The following VASN variants were observed in gnomAD, a reference collection of about 807,000 sequenced individuals.
VASN encodes protein slit-like 2.
Under a neutral mutation model 4.8 loss-of-function variants are expected in VASN, and 5 were observed. The ratio of observed to expected loss-of-function variants is 1.03; its 90% CI spans 0.54 to 2.17. VASN has a LOEUF of 2.17. VASN is among the 30% of genes most tolerant of loss of function. The pLI is 0.01. For missense variants in VASN, 927 were observed against 948.8 expected, an observed-to-expected ratio of 0.98 and a Z score of 0.30; for synonymous variants, 499 against 460.8, an observed-to-expected ratio of 1.08 and a Z score of -1.06.
Position 4,382,773 on chromosome 16 carries a change from G to C in VASN, c.1896G>C (p.Glu632Asp). 1.3e-6 allele frequency: 2 copies of C among 1,571,070 alleles called. No individual in the cohort carries two copies. The highest frequency in any genetic ancestry group is 1.7e-6 in the Non-Finnish European group (2 of 1,158,900). Residue 632 changes from glutamate to aspartate, a missense_variant, in exon 2 of 2, where the codon GAG becomes GAC. Transcript: ENST00000304735. The part of the protein sequence containing the change: ...LELEGVKVPL[E>D]PGPKATEGGG... ...TGGAGGGAGTGAAGGTCCCCTTGGA[G>C]CCAGGCCCGAAGGCAACAGAGGGCG... is the stretch of plus-strand genomic sequence containing the variant.
chr16:4,379,764 C>T (rs1215220073), intron 1 of VASN, among the ~76,000 whole-genome samples: 2 of 151,670 alleles, frequency 1.3e-5, no homozygotes, highest in Admixed American at 6.6e-5. Flanking sequence ...TAGACGAAGC[C>T]GGGCACGGTG....
intron 1 of VASN, among the ~76,000 whole-genome samples, chr16:4,379,849 C>T (rs534503004): frequency 5.4e-5 from 8 of 148,056 alleles, no homozygotes; most frequent in East Asian, 4.0e-4. Context: ...TCCAGACCAA[C>T]CTGACCAACA....
Position 4,380,885 on chromosome 16 carries a change from C to T in VASN, c.8C>T (p.Ser3Phe). The T allele has an allele frequency of 6.5e-7, 1 of 1,532,948 alleles. No individual in the cohort carries two copies. The highest frequency in any genetic ancestry group is 8.7e-7 in the Non-Finnish European group (1 of 1,147,096). The allele number at this position is 1,532,948 out of a possible 1,614,324, so 95.0% of individuals were successfully genotyped here. A position where few individuals can be genotyped will look rare whatever the true frequency, so the allele number is the denominator to read the frequency against. ...TGCTCCCAGGGACAGAAGATGTGCT[C>T]CAGGGTCCCTCTGCTGCTGCCGCTG... MC[S>F]RVPLLLPLLL... The change falls in exon 2 of 2, where the codon TCC (serine) becomes TTC (phenylalanine). Residue 3 changes from serine (S) to phenylalanine (F), a missense_variant. Physicochemically the swap from Ser to Phe is radical, Grantham distance 155. Coordinates refer to ENST00000304735, the MANE Select transcript of VASN (RefSeq NM_138440.3).
intron 1 of VASN, 147 bp from the exon 2 acceptor site, chr16:4,380,722 C>T (rs927316911): frequency 5.5e-5 from 46 of 840,372 alleles, no homozygotes; most frequent in South Asian, 9.4e-5. Flanking sequence ...GAACCTGGGT[C>T]GGGGCACTGG....
intron 1 of VASN, among the ~76,000 whole-genome samples, chr16:4,380,648 C>G (rs1474199381): frequency 6.6e-6 from 1 of 152,142 alleles, no homozygotes; most frequent in East Asian, 1.9e-4. Flanking sequence ...GGATGTCATG[C>G]CCCATGATGA....
At chr16:4,376,894 C>T (rs1567267645) in intron 1 of VASN, among the ~76,000 whole-genome samples, 1 of 152,204 alleles carries the variant, frequency 6.6e-6, no homozygotes. Flanking sequence ...GCCTGAAACC[C>T]TCTCCCTTAG....
At chr16:4,374,455 C>T (rs2054647255) in intron 1 of VASN, among the ~76,000 whole-genome samples, 1 of 152,160 alleles carries the variant, frequency 6.6e-6, no homozygotes, top group African/African-American at 2.4e-5. Flanking sequence ...CGGCCCCCAC[C>T]AGACTCTTCG....
intron 1 of VASN, among the ~76,000 whole-genome samples, chr16:4,374,293 T>C (rs2054638768): frequency 6.6e-6 from 1 of 152,096 alleles, no homozygotes; most frequent in African/African-American, 2.4e-5. Context: ...CCGGATCGCT[T>C]TCCCTCCGCG....
At chr16:4,376,702 C>T (rs1388905398) in intron 1 of VASN, among the ~76,000 whole-genome samples, 5 of 152,106 alleles carry the variant, frequency 3.3e-5, no homozygotes, top group East Asian at 1.9e-4. Context: ...GTTGAGATGA[C>T]GAGTGCCTTG....
At chr16:4,377,435 C>G (rs2054780100) in intron 1 of VASN, among the ~76,000 whole-genome samples, 1 of 152,144 alleles carries the variant, frequency 6.6e-6, no homozygotes, top group Non-Finnish European at 1.5e-5. Context: ...CACGCCCAGA[C>G]CCCAGGCGGG....
At position 4,379,813 on chromosome 16, in the gene VASN, C is replaced by T. The variant is rs201514984; in HGVS notation, c.-9-1056C>T. On this transcript the variant is annotated intron_variant, in intron 1 of 1. Transcript: ENST00000304735. Reference sequence around the variant, plus strand: ...ATCCCAGCACTTTTGGAGGCTGAGGCGGGCAGATCACCTGAGGTCAGGAGT... The same window carrying T: ...ATCCCAGCACTTTTGGAGGCTGAGGTGGGCAGATCACCTGAGGTCAGGAGT... Among the ~76,000 whole-genome samples, 8 of 147,342 alleles carry T rather than the reference C, an allele frequency of 5.4e-5. No individual in the cohort carries two copies. In the South Asian group the frequency reaches 6.5e-4, roughly 12 times the overall value.
rs2055026834 is a variant in VASN at position 4,382,530 on chromosome 16, G to A, written c.1653G>A (p.Gly551=). The A allele has an allele frequency of 6.3e-7, 1 of 1,593,514 alleles. No homozygotes were observed. Among genetic ancestry groups the A allele is most frequent in the Non-Finnish European group, 8.5e-7 (1 of 1,170,792 alleles). Residue 551 remains glycine (G), a synonymous_variant, in exon 2 of 2, where the codon GGG becomes GGA. Coordinates refer to ENST00000304735, the MANE Select transcript of VASN (RefSeq NM_138440.3). ...TGCCGGAGGGCGAGGAGGCCTGCGG[G>A]GAGGCCCATACACCCCCAGCCGTCC... ...GRVPEGEEAC[G]EAHTPPAVHS...
At chr16:4,374,031 GC>G (rs2054626016) in intron 1 of VASN, among the ~76,000 whole-genome samples, 1 of 152,178 alleles carries the variant, frequency 6.6e-6, no homozygotes, top group Admixed American at 6.5e-5. Flanking sequence ...AAGAAAACCA[GC>G]TCCCCTCACT....
intron 1 of VASN, among the ~76,000 whole-genome samples, chr16:4,372,453 C>T (rs1401982702): frequency 6.6e-6 from 1 of 152,240 alleles, no homozygotes; most frequent in Admixed American, 6.5e-5. Context: ...CAAAGCACAG[C>T]TGGGGGCTAC....
rs1218294985 is a variant in VASN, at chr16:4,381,149, T to G, written c.272T>G (p.Leu91Arg). Residue 91 changes from leucine to arginine, a missense_variant, in exon 2 of 2, where the codon CTG becomes CGG. Leu to Arg is a moderately radical substitution (Grantham distance 102). Transcript: ENST00000304735. The part of the protein sequence containing the change: ...LDLSQNQIAS[L>R]PSGVFQPLAN... Reference sequence around the variant, plus strand: ...CTGTCACAGAACCAGATCGCCAGCCTGCCCAGCGGGGTCTTCCAGCCACTC... The same window carrying G: ...CTGTCACAGAACCAGATCGCCAGCCGGCCCAGCGGGGTCTTCCAGCCACTC... 3 of 1,610,760 alleles carry G rather than the reference T, an allele frequency of 1.9e-6. No homozygotes were observed. The highest frequency in any genetic ancestry group is 2.5e-6 in the Non-Finnish European group (3 of 1,179,174).
chr16:4,374,056 C>T (rs1417481004), intron 1 of VASN, among the ~76,000 whole-genome samples: 1 of 151,054 alleles, frequency 6.6e-6, no homozygotes, highest in Non-Finnish European at 1.5e-5. Flanking sequence ...GTGGAATTTG[C>T]GTGAGTTCTT....
intron 1 of VASN, among the ~76,000 whole-genome samples, chr16:4,374,765 G>A (rs2054659829): frequency 6.6e-6 from 1 of 152,246 alleles, no homozygotes; most frequent in South Asian, 2.1e-4. Flanking sequence ...ATTGTGGGGG[G>A]TTCGGCATGG....
In VASN at chr16:4,381,130, C is replaced by A. The variant is rs778980399; in HGVS notation, c.253C>A (p.Gln85Lys). The change falls in exon 2 of 2, where the codon CAG (glutamine) becomes AAG (lysine). Residue 85 changes from glutamine (Q) to lysine (K), a missense_variant. Transcript: ENST00000304735. Reference sequence around the variant, plus strand: ...GGGCCTGCAGCTCCTGGACCTGTCACAGAACCAGATCGCCAGCCTGCCCAG... The same window carrying A: ...GGGCCTGCAGCTCCTGGACCTGTCAAAGAACCAGATCGCCAGCCTGCCCAG... Reference protein sequence around the residue: ...LPGLQLLDLSQNQIASLPSGV... With the variant: ...LPGLQLLDLSKNQIASLPSGV... The A allele has an allele frequency of 1.2e-4, 187 of 1,610,196 alleles. No individual in the cohort carries two copies. Among genetic ancestry groups the A allele is most frequent in the Non-Finnish European group, 1.5e-4 (182 of 1,178,938 alleles).
At chr16:4,375,130 G>GC (rs1344040460) in intron 1 of VASN, among the ~76,000 whole-genome samples, 3 of 152,052 alleles carry the variant, frequency 2.0e-5, no homozygotes, top group African/African-American at 7.2e-5. Flanking sequence ...ACGTCCCACC[G>GC]CCCCAGGGGC....
Sources: allele counts gnomAD v4.1 joint callset (sites outside exome capture counted in the v4.1 genomes callset), GRCh38; gene constraint gnomAD v4.1.1; transcripts MANE v1.5; gene names NCBI Gene and HGNC (gene_info 2026-07-23, HGNC 2026-07-21).